Variants in ME1 observed in about 807,000 individuals in gnomAD.
ME1 encodes the protein NADP-dependent malic enzyme.
ME1 carries 74 observed loss-of-function variants against 66.4 expected under a neutral mutation model. That is an observed-to-expected ratio of 1.11 (90% CI 0.92 to 1.35). The LOEUF is 1.35. ME1 is among the 40% of genes most tolerant of loss of function. The pLI, the probability that ME1 is intolerant of heterozygous loss-of-function variation, is 0.00. For synonymous variants in ME1, 251 were observed against 235.6 expected, an observed-to-expected ratio of 1.07 and a Z score of -0.60; for missense variants, 750 against 694.1, an observed-to-expected ratio of 1.08 and a Z score of -0.90.
At chr6:83,247,430 T>C (rs978690005) in intron 7 of ME1, among the ~76,000 whole-genome samples, 2 of 152,070 alleles carry the variant, frequency 1.3e-5, no homozygotes, top group Non-Finnish European at 2.9e-5. Flanking sequence ...AAATCTATAT[T>C]ATTTAAGGTT....
At chr6:83,361,469 G>A (rs1769005868) in intron 3 of ME1, among the ~76,000 whole-genome samples, 1 of 152,224 alleles carries the variant, frequency 6.6e-6, no homozygotes. Flanking sequence ...AAAAGGCTCT[G>A]CAACAGGTCC....
chr6:83,334,427 A>G (rs1768486417), intron 5 of ME1, among the ~76,000 whole-genome samples: 1 of 43,986 alleles, frequency 2.3e-5, no homozygotes, highest in Non-Finnish European at 4.5e-5. Context: ...TTAGGTAAAC[A>G]AAGCAGCCGG....
chr6:83,322,477 G>A (rs1250182468), intron 5 of ME1, among the ~76,000 whole-genome samples: 1 of 152,056 alleles, frequency 6.6e-6, no homozygotes, highest in African/African-American at 2.4e-5. Flanking sequence ...TGATGGACCT[G>A]AAAAACACAG....
chr6:83,269,245 T>C (rs1767045202), intron 6 of ME1, among the ~76,000 whole-genome samples: 1 of 151,190 alleles, frequency 6.6e-6, no homozygotes, highest in Admixed American at 6.6e-5. Context: ...ATCATTTATG[T>C]TTGTTTTTTT....
chr6:83,360,382 T>C (rs1768985552), intron 3 of ME1, among the ~76,000 whole-genome samples: 1 of 152,158 alleles, frequency 6.6e-6, no homozygotes, highest in African/African-American at 2.4e-5. Flanking sequence ...CCAAACATTA[T>C]TGTGGTCCTC....
intron 3 of ME1, among the ~76,000 whole-genome samples, chr6:83,373,502 G>C (rs1456867890): frequency 1.3e-5 from 2 of 152,138 alleles, no homozygotes; most frequent in Non-Finnish European, 2.9e-5. Flanking sequence ...ACAGGCGTGA[G>C]CCACCGCACC....
intron 6 of ME1, among the ~76,000 whole-genome samples, chr6:83,285,827 T>G (rs1351846553): frequency 1.3e-5 from 2 of 152,238 alleles, no homozygotes; most frequent in Non-Finnish European, 2.9e-5. Flanking sequence ...CAAACTGTTT[T>G]GTCTTTTTTA....
chr6:83,223,000 G>A (rs964024699), intron 12 of ME1, among the ~76,000 whole-genome samples: 9 of 152,046 alleles, frequency 5.9e-5, no homozygotes, highest in African/African-American at 2.2e-4. Context: ...TAAATACTAG[G>A]GTGGTTTCTG....
chr6:83,237,586 G>A (rs1790440012), intron 9 of ME1, 131 bp downstream of exon 9: 2 of 511,350 alleles, frequency 3.9e-6, no homozygotes, highest in South Asian at 3.3e-5. Flanking sequence ...TGTATGACAT[G>A]ATCATTTGTA....
chr6:83,420,484 G>T (rs565943220), intron 1 of ME1, among the ~76,000 whole-genome samples: 1 of 152,292 alleles, frequency 6.6e-6, no homozygotes, highest in African/African-American at 2.4e-5. Context: ...CCACAGAACA[G>T]TTTATCTTAA....
chr6:83,240,439 T>C (rs1189178514), intron 7 of ME1, among the ~76,000 whole-genome samples: 2 of 152,122 alleles, frequency 1.3e-5, no homozygotes, highest in African/African-American at 2.4e-5. Context: ...TCATGTCTCA[T>C]AGGCATAAAA....
At chr6:83,301,046 T>C (rs1299892129) in intron 6 of ME1, among the ~76,000 whole-genome samples, 1 of 151,940 alleles carries the variant, frequency 6.6e-6, no homozygotes, top group Non-Finnish European at 1.5e-5. Flanking sequence ...GGGCCTGCCA[T>C]GGGATGGGGG....
intron 3 of ME1, among the ~76,000 whole-genome samples, chr6:83,359,301 G>A (rs937211815): frequency 6.6e-6 from 1 of 152,160 alleles, no homozygotes; most frequent in African/African-American, 2.4e-5. Flanking sequence ...AAAAGTCCCG[G>A]CAGGCCCCTA....
intron 1 of ME1, among the ~76,000 whole-genome samples, chr6:83,429,966 G>A (rs1038240970): frequency 6.6e-6 from 1 of 152,104 alleles, no homozygotes; most frequent in African/African-American, 2.4e-5. Flanking sequence ...GACAAACCTG[G>A]CTGTAAAATA....
At chr6:83,404,282 T>A (rs1416208260) in intron 2 of ME1, among the ~76,000 whole-genome samples, 1 of 152,170 alleles carries the variant, frequency 6.6e-6, no homozygotes, top group Non-Finnish European at 1.5e-5. Context: ...TTTCATGATT[T>A]TTGGCCGCAT....
chr6:83,371,444 A>G (rs1291662128), intron 3 of ME1, among the ~76,000 whole-genome samples: 2 of 152,212 alleles, frequency 1.3e-5, no homozygotes, highest in African/African-American at 4.8e-5. Flanking sequence ...ACTCACATGC[A>G]TATGCTGAAA....
At chr6:83,395,119 T>A (rs571486255) in intron 3 of ME1, among the ~76,000 whole-genome samples, 1 of 152,008 alleles carries the variant, frequency 6.6e-6, no homozygotes, top group Admixed American at 6.6e-5. Flanking sequence ...AGATGGAGTC[T>A]CACTCTGTCA....
At chr6:83,299,736 TC>T (rs1767677818) in intron 6 of ME1, among the ~76,000 whole-genome samples, 1 of 152,174 alleles carries the variant, frequency 6.6e-6, no homozygotes, top group Non-Finnish European at 1.5e-5. Context: ...GCACTGTGGG[TC>T]TGTCATAAAT....
intron 1 of ME1, among the ~76,000 whole-genome samples, chr6:83,411,051 T>A (rs1367597179): frequency 6.6e-6 from 1 of 152,212 alleles, no homozygotes. Flanking sequence ...TCTAGGGAAC[T>A]GGGCCAAGTT....
Sources: gnomAD v4.1 joint callset for allele counts (sites outside exome capture counted in the v4.1 genomes callset) on GRCh38, gnomAD v4.1.1 for gene constraint, MANE v1.5 for transcripts, NCBI Gene and HGNC (gene_info 2026-07-23, HGNC 2026-07-21) for gene names.